The following PPM1B variants were observed in gnomAD, a reference collection of about 807,000 sequenced individuals.
PPM1B encodes protein phosphatase, Mg2+/Mn2+ dependent 1B.
A neutral mutation model predicts 43.0 loss-of-function variants in PPM1B; 22 were observed. The observed-to-expected ratio is 0.51, with a 90% CI of 0.37 to 0.73. The LOEUF (loss-of-function observed/expected upper bound fraction) is 0.73. PPM1B is among the 30% of genes least tolerant of loss of function. The probability of loss-of-function intolerance (pLI) is 0.00; values close to 1 mark genes in which losing one functional copy is unlikely to be tolerated. For synonymous variants in PPM1B, 217 were observed against 197.9 expected (o/e 1.10, Z -0.81); for missense variants, 632 against 584.2 (o/e 1.08, Z -0.84).
In PPM1B at chr2:44,224,694, A is replaced by G. The variant is rs899696151; in HGVS notation, c.1135-5719A>G. Among the ~76,000 whole-genome samples the G allele has an allele frequency of 5.5e-4, 55 of 100,714 alleles. 1 individual carries two copies. Among genetic ancestry groups the G allele is most frequent in the African/African-American group, 1.6e-3 (53 of 33,094 alleles). 66.1% of individuals were successfully genotyped at this position (100,714 alleles called of 152,430 possible). On this transcript the variant is annotated intron_variant, in intron 5 of 5. Coordinates refer to ENST00000282412, the MANE Select transcript of PPM1B (RefSeq NM_002706.6). The stretch of plus-strand genomic sequence containing the variant: ...AGCTATGTTAGTCTAGCTGATAGTA[A>G]AAGCTTAAAAACTAGGGTGGATGGG...
chr2:44,202,773 A>G (rs1669000324), intron 2 of PPM1B, among the ~76,000 whole-genome samples: 1 of 152,178 alleles, frequency 6.6e-6, no homozygotes, highest in African/African-American at 2.4e-5. Context: ...TGTATGAATC[A>G]TTGCTTGATA....
At chr2:44,225,246 TTACTC>T (rs776357769) in intron 5 of PPM1B, among the ~76,000 whole-genome samples, 22 of 152,348 alleles carry the variant, frequency 1.4e-4, no homozygotes, top group Non-Finnish European at 2.4e-4. Flanking sequence ...GAAATTGTCT[TTACTC>T]TAAAAGAGTT....
At chr2:44,174,771 G>A (rs145755565) in intron 1 of PPM1B, among the ~76,000 whole-genome samples, 2 of 152,340 alleles carry the variant, frequency 1.3e-5, no homozygotes, top group Admixed American at 6.5e-5. Flanking sequence ...GGTATCAAGA[G>A]CACTCCTCGC....
In PPM1B at chr2:44,201,037, A is replaced by C. The variant is rs1668908596; in HGVS notation, c.-14-149A>C. The C allele has an allele frequency of 3.8e-6, 3 of 782,990 alleles. No homozygotes were observed. Among genetic ancestry groups the C allele is most frequent in the Non-Finnish European group, 5.7e-6 (3 of 525,514 alleles). The allele number at this position is 782,990 out of a possible 1,614,324, so 48.5% of individuals were successfully genotyped here. A position where few individuals can be genotyped will look rare whatever the true frequency, so the allele number is the denominator to read the frequency against. Reference sequence around the variant, plus strand: ...ACTGTTCTGTAGGATGTAGGGGAGGAAATTTCTTGGGCTTTTGTTGTTGCT... The same window carrying C: ...ACTGTTCTGTAGGATGTAGGGGAGGCAATTTCTTGGGCTTTTGTTGTTGCT... On this transcript the variant is annotated intron_variant, in intron 1 of 5. Transcript: ENST00000282412. This position sits in a 1 kb window ranked among gnomAD's most constrained non-coding sequence, Gnocchi z 5.4.
At chr2:44,232,451 C>A (rs759905712), downstream of PPM1B, 38 of 1,563,428 alleles carry the variant, frequency 2.4e-5, no homozygotes, top group Non-Finnish European at 3.3e-5. Flanking sequence ...GGATTCCCAA[C>A]GTTTTGTGAT....
downstream of PPM1B, among the ~76,000 whole-genome samples, chr2:44,246,357 G>C (rs1394427407): frequency 1.3e-5 from 2 of 152,110 alleles, no homozygotes; most frequent in Admixed American, 6.6e-5. Context: ...TTCCTATTAA[G>C]TTTTCTTGGG....
intron 5 of PPM1B, among the ~76,000 whole-genome samples, chr2:44,221,218 A>G (rs1346372249): frequency 6.6e-6 from 1 of 152,228 alleles, no homozygotes; most frequent in Non-Finnish European, 1.5e-5. Context: ...TGTGGATTAA[A>G]GGAACTTTCC....
intron 1 of PPM1B, among the ~76,000 whole-genome samples, chr2:44,199,122 G>A (rs1260453582): frequency 6.6e-6 from 1 of 151,972 alleles, no homozygotes; most frequent in Non-Finnish European, 1.5e-5. Flanking sequence ...GCTGGGTATG[G>A]TGGCGCGTGC....
At chr2:44,234,256 C>A (rs1018702353), downstream of PPM1B, 3 of 964,178 alleles carry the variant, frequency 3.1e-6, no homozygotes, top group Non-Finnish European at 3.7e-6. Flanking sequence ...TGCATTGGCT[C>A]ACACCTGTAA....
chr2:44,230,388 C>G (rs1046518168), intron 5 of PPM1B, 25 bp from the exon 6 acceptor site: 13 of 1,609,296 alleles, frequency 8.1e-6, no homozygotes, highest in South Asian at 2.2e-5. Context: ...TCTACTGACA[C>G]TGGGGTCTTG....
At chr2:44,177,398 C>T (rs1390496962) in intron 1 of PPM1B, among the ~76,000 whole-genome samples, 1 of 147,254 alleles carries the variant, frequency 6.8e-6, no homozygotes, top group African/African-American at 2.5e-5. Context: ...TTTGGAATTG[C>T]AATGTGAAAG....
At chr2:44,197,929 A>C (rs967778061) in intron 1 of PPM1B, among the ~76,000 whole-genome samples, 27 of 152,312 alleles carry the variant, frequency 1.8e-4, no homozygotes, top group African/African-American at 6.3e-4. Context: ...TCTAGTCGAA[A>C]GAGCAACTTA....
At position 44,231,162 on chromosome 2, in the gene PPM1B, G is replaced by T; in HGVS notation, c.*444G>T. On this transcript the variant is annotated 3_prime_UTR_variant, in exon 6 of 6. Coordinates refer to ENST00000282412, the MANE Select transcript of PPM1B (RefSeq NM_002706.6). Reference sequence around the variant, plus strand: ...TCTTTAATAATTTTAGTTCTTCAAAGAATGGCTGATGCTGGCCTGTAATTT... The same window carrying T: ...TCTTTAATAATTTTAGTTCTTCAAATAATGGCTGATGCTGGCCTGTAATTT... The T allele has an allele frequency of 3.1e-6, 3 of 980,976 alleles. No homozygotes were observed. Among genetic ancestry groups the T allele is most frequent in the Non-Finnish European group, 3.6e-6 (3 of 825,878 alleles). The allele number at this position is 980,976 out of a possible 1,614,324, so 60.8% of individuals were successfully genotyped here.
chr2:44,235,933 A>C (rs1036954882), downstream of PPM1B, among the ~76,000 whole-genome samples: 46 of 152,108 alleles, frequency 3.0e-4, no homozygotes, highest in African/African-American at 9.4e-4. Context: ...ATTAAAAAAA[A>C]CTCAAATTTT....
chr2:44,233,752 G>C (rs1162073151), downstream of PPM1B: 3 of 985,638 alleles, frequency 3.0e-6, no homozygotes, highest in African/African-American at 5.2e-5. Context: ...CTGATCATTT[G>C]ATTTATTGTG....
chr2:44,243,881 A>C (rs1300963503), intron 5 of PPM1B, among the ~76,000 whole-genome samples: 1 of 152,140 alleles, frequency 6.6e-6, no homozygotes, highest in East Asian at 1.9e-4. Flanking sequence ...AAATCTCATT[A>C]ATGTGTTGAT....
chr2:44,183,498 A>G (rs1013103216), intron 1 of PPM1B, among the ~76,000 whole-genome samples: 1 of 152,242 alleles, frequency 6.6e-6, no homozygotes, highest in Non-Finnish European at 1.5e-5. Flanking sequence ...TAAGGTTTAC[A>G]TAAGTTGTTA....
chr2:44,243,972 C>T (rs906311381), intron 5 of PPM1B, among the ~76,000 whole-genome samples: 1 of 151,940 alleles, frequency 6.6e-6, no homozygotes, highest in Non-Finnish European at 1.5e-5. Flanking sequence ...GATGCTACAT[C>T]TTTCTATTTA....
At chr2:44,176,275 T>G (rs1178884139) in intron 1 of PPM1B, among the ~76,000 whole-genome samples, 1 of 152,232 alleles carries the variant, frequency 6.6e-6, no homozygotes. Flanking sequence ...AAGTCTGATT[T>G]AAATAATTGG....
Sources: allele counts gnomAD v4.1 joint callset (sites outside exome capture counted in the v4.1 genomes callset), GRCh38; gene constraint gnomAD v4.1.1; non-coding constraint Gnocchi (gnomAD v3.1); transcripts MANE v1.5; gene names NCBI Gene and HGNC (gene_info 2026-07-23, HGNC 2026-07-21).